LTBP1: variants seen among roughly 807,000 people sequenced by gnomAD.
The protein encoded by LTBP1 is latent transforming growth factor beta binding protein 1.
In LTBP1, 129 loss-of-function variants were observed where a neutral mutation model predicts 207.6. The observed-to-expected ratio is 0.62, with a 90% CI of 0.54 to 0.72. LTBP1 has a LOEUF of 0.72. LTBP1 is among the 30% of genes least tolerant of loss of function. The probability of loss-of-function intolerance (pLI) is 0.00; values close to 1 mark genes in which losing one functional copy is unlikely to be tolerated. For synonymous variants in LTBP1, 963 were observed against 833.7 expected (o/e 1.16, Z -2.67); for missense variants, 2,281 against 2,217.2 (o/e 1.03, Z -0.58).
At chr2:33,289,973 G>A (rs2148786644) in intron 19 of LTBP1, among the ~76,000 whole-genome samples, 1 of 152,280 alleles carries the variant, frequency 6.6e-6, no homozygotes, top group African/African-American at 2.4e-5. Context: ...GGTCATTTAT[G>A]AAGAAGAGAG....
chr2:33,167,024 C>G (rs2084980260), intron 5 of LTBP1, among the ~76,000 whole-genome samples: 1 of 152,144 alleles, frequency 6.6e-6, no homozygotes, highest in South Asian at 2.1e-4. Context: ...GATAGCTACT[C>G]CGGGGTTGAC....
chr2:33,095,079 C>A (rs2079315445), intron 3 of LTBP1, among the ~76,000 whole-genome samples: 1 of 151,972 alleles, frequency 6.6e-6, no homozygotes, highest in Admixed American at 6.6e-5. Flanking sequence ...TGGTTTTATT[C>A]TGTGCTTTTT....
chr2:32,954,152 C>T (rs923723570), intron 2 of LTBP1, among the ~76,000 whole-genome samples: 1 of 152,184 alleles, frequency 6.6e-6, no homozygotes, highest in African/African-American at 2.4e-5. Context: ...GCTTCCTGGA[C>T]ATCCAGTGCT....
At chr2:33,158,083 C>A (rs2084128132) in intron 5 of LTBP1, among the ~76,000 whole-genome samples, 1 of 145,878 alleles carries the variant, frequency 6.9e-6, no homozygotes, top group Admixed American at 7.0e-5. Context: ...TTGCAGCAAG[C>A]CAAGATTGTG....
chr2:33,275,889 C>A lies in LTBP1; in HGVS notation c.2958C>A (p.Ser986Arg). The A allele has an allele frequency of 6.2e-7, 1 of 1,607,482 alleles. No homozygotes were observed. ...VGAFRCEYCD[S>R]GYRMTQRGRC... ...CCTTCCGGTGTGAATACTGTGACAG[C>A]GGGTACCGCATGACTCAGAGAGGCC... The change falls in exon 18 of 34, where the codon AGC (serine) becomes AGA (arginine). Residue 986 changes from serine to arginine, a missense_variant. Around this residue, in one of 3 missense-constraint regions of LTBP1, gnomAD observed 1,671 missense variants for 1,634.8 expected, o/e 1.02. Transcript: ENST00000404816.
intron 3 of LTBP1, among the ~76,000 whole-genome samples, chr2:33,052,256 G>T (rs1199105018): frequency 6.6e-6 from 1 of 152,200 alleles, no homozygotes; most frequent in African/African-American, 2.4e-5. Context: ...CCAAATACTT[G>T]GGTGTGTGGT....
At chr2:33,254,865 T>TG (rs1219374461) in intron 11 of LTBP1, among the ~76,000 whole-genome samples, 1 of 113,662 alleles carries the variant, frequency 8.8e-6, no homozygotes, top group African/African-American at 3.4e-5. Context: ...TTTTTTTTTT[T>TG]TTTTTTTTTT....
chr2:33,381,105 T>G (rs2095209171), intron 31 of LTBP1, among the ~76,000 whole-genome samples: 1 of 152,236 alleles, frequency 6.6e-6, no homozygotes, highest in Non-Finnish European at 1.5e-5. Context: ...TTGTTCAGTC[T>G]TGTCTCTTAT....
rs149670612 is a variant in LTBP1 at position 33,312,682 on chromosome 2, GA to G, written c.3605-2451del. On this transcript the variant is annotated intron_variant, in intron 23 of 33. Coordinates refer to ENST00000404816, the MANE Select transcript of LTBP1 (RefSeq NM_206943.4). The stretch of plus-strand genomic sequence containing the variant: ...GTTGTTCTTTCTTAGCAGTTTCCTG[GA>G]AAAAAAAAAAGTCTAGGAATTCATC... Among the ~76,000 whole-genome samples, 158 of 143,880 alleles carry G rather than the reference GA, an allele frequency of 1.1e-3. 2 individuals carry two copies. The highest frequency in any genetic ancestry group is 7.2e-3 in the Middle Eastern group (2 of 276). The allele number at this position is 143,880 out of a possible 152,430, so 94.4% of individuals were successfully genotyped here. A position where few individuals can be genotyped will look rare whatever the true frequency, so the allele number is the denominator to read the frequency against.
intron 3 of LTBP1, among the ~76,000 whole-genome samples, chr2:33,042,055 G>A (rs1027720057): frequency 3.3e-5 from 5 of 152,120 alleles, no homozygotes; most frequent in Non-Finnish European, 5.9e-5. Context: ...GTGTATAGTC[G>A]TAGCTCATTG....
At chr2:33,239,801 G>A (rs1276869151) in intron 9 of LTBP1, among the ~76,000 whole-genome samples, 1 of 151,886 alleles carries the variant, frequency 6.6e-6, no homozygotes, top group Admixed American at 6.6e-5. Context: ...CTACTCAGGA[G>A]GCTGAGGCAG....
At chr2:33,079,219 G>A (rs922400687) in intron 3 of LTBP1, among the ~76,000 whole-genome samples, 3 of 152,088 alleles carry the variant, frequency 2.0e-5, no homozygotes, top group Non-Finnish European at 4.4e-5. Flanking sequence ...ATAAATGAAG[G>A]TCTTAGTCCT....
chr2:33,224,114 T>C (rs1270321071), intron 9 of LTBP1, among the ~76,000 whole-genome samples: 1 of 152,200 alleles, frequency 6.6e-6, no homozygotes, highest in East Asian at 1.9e-4. Context: ...CCTTATATGC[T>C]GTTCAGGATA....
intron 31 of LTBP1, among the ~76,000 whole-genome samples, chr2:33,371,180 C>T (rs181444233): frequency 9.2e-5 from 14 of 152,274 alleles, no homozygotes; most frequent in Admixed American, 2.6e-4. Flanking sequence ...TTTCAATGCT[C>T]CACTACAGAG....
intron 3 of LTBP1, among the ~76,000 whole-genome samples, chr2:33,054,860 C>G (rs532495801): frequency 6.6e-6 from 1 of 152,290 alleles, no homozygotes; most frequent in South Asian, 2.1e-4. Context: ...TTGGGGGCTT[C>G]TGACCCAGGG....
intron 5 of LTBP1, among the ~76,000 whole-genome samples, chr2:33,177,459 G>A (rs1394978534): frequency 1.3e-5 from 2 of 152,128 alleles, no homozygotes; most frequent in Non-Finnish European, 2.9e-5. Flanking sequence ...AGACCAGCCT[G>A]GCCAACATGG....
intron 3 of LTBP1, among the ~76,000 whole-genome samples, chr2:33,087,026 A>C (rs559277217): frequency 6.8e-6 from 1 of 147,796 alleles, no homozygotes; most frequent in Admixed American, 6.8e-5. Context: ...TTTGGTGTCC[A>C]ATTTCACCAG....
At chr2:33,051,146 G>A (rs2076718671) in intron 3 of LTBP1, among the ~76,000 whole-genome samples, 2 of 152,200 alleles carry the variant, frequency 1.3e-5, no homozygotes, top group Admixed American at 6.6e-5. Context: ...GCCCGTTGTG[G>A]TGGCTTGTGC....
At chr2:33,329,784 C>T (rs1455601772) in intron 24 of LTBP1, among the ~76,000 whole-genome samples, 4 of 152,046 alleles carry the variant, frequency 2.6e-5, no homozygotes, top group Non-Finnish European at 5.9e-5. Flanking sequence ...GTTACAGTAG[C>T]TTTATAATAA....
Sources: allele counts gnomAD v4.1 joint callset (sites outside exome capture counted in the v4.1 genomes callset), GRCh38; gene constraint gnomAD v4.1.1; regional missense constraint gnomAD v4.1.1; transcripts MANE v1.5; gene names NCBI Gene and HGNC (gene_info 2026-07-23, HGNC 2026-07-21).